The following KSR2 variants were observed in gnomAD, a reference collection of about 807,000 sequenced individuals.
The protein encoded by KSR2 is kinase suppressor of ras 2.
In KSR2, 25 loss-of-function variants were observed where a neutral mutation model predicts 107.8. That is an observed-to-expected ratio of 0.23 (90% confidence interval 0.17 to 0.32). The LOEUF is 0.32. Ranked by LOEUF, KSR2 falls within the 10% of genes least tolerant of loss-of-function variation. The pLI is 1.00. For missense variants in KSR2, 887 were observed against 1,268.9 expected (o/e 0.70, Z 4.57); for synonymous variants, 480 against 507.0 (o/e 0.95, Z 0.71).
intron 4 of KSR2, among the ~76,000 whole-genome samples, chr12:117,742,116 T>C (rs1381854611): frequency 6.6e-6 from 1 of 152,132 alleles, no homozygotes; most frequent in African/African-American, 2.4e-5. Context: ...CTGTATAACC[T>C]GAATCATCAT....
chr12:117,530,861 G>C (rs778265098), intron 12 of KSR2, 80 bp downstream of exon 12: 1 of 1,234,594 alleles, frequency 8.1e-7, no homozygotes, highest in Non-Finnish European at 1.2e-6. Context: ...GAGAAGGAAA[G>C]AAGATAGGGA....
At chr12:117,883,898 A>C (rs1212753535) in intron 1 of KSR2, among the ~76,000 whole-genome samples, 1 of 150,924 alleles carries the variant, frequency 6.6e-6, no homozygotes, top group Non-Finnish European at 1.5e-5. Flanking sequence ...AAAAAAAGGA[A>C]ATGAGGTCAA....
At chr12:117,676,837 G>C (rs367698297) in intron 4 of KSR2, among the ~76,000 whole-genome samples, 1 of 152,160 alleles carries the variant, frequency 6.6e-6, no homozygotes, top group African/African-American at 2.4e-5. Context: ...TGCAAAAAAA[G>C]ACCTTTGTAA....
At chr12:117,743,359 CT>C (rs1479072102) in intron 4 of KSR2, among the ~76,000 whole-genome samples, 1 of 152,220 alleles carries the variant, frequency 6.6e-6, no homozygotes, top group Non-Finnish European at 1.5e-5. Context: ...CCACTGCAGC[CT>C]TGCTTAATGT....
chr12:117,691,098 G>T (rs1489834366), intron 4 of KSR2, among the ~76,000 whole-genome samples: 1 of 152,184 alleles, frequency 6.6e-6, no homozygotes, highest in African/African-American at 2.4e-5. Flanking sequence ...TGACAATGTT[G>T]CAAAAGTGAC....
chr12:117,684,184 C>T (rs1202481518), intron 4 of KSR2, among the ~76,000 whole-genome samples: 1 of 152,158 alleles, frequency 6.6e-6, no homozygotes, highest in Non-Finnish European at 1.5e-5. Flanking sequence ...CATCCTGACC[C>T]ACCCCTCCTG....
intron 12 of KSR2, 139 bp from the exon 13 acceptor site, chr12:117,527,258 G>A (rs576015008): frequency 1.5e-6 from 1 of 658,154 alleles, no homozygotes; most frequent in South Asian, 1.7e-5. Context: ...CAACAGGTGT[G>A]TCTGAAATAA....
At chr12:117,650,457 C>G (rs917002276) in intron 5 of KSR2, among the ~76,000 whole-genome samples, 1 of 152,004 alleles carries the variant, frequency 6.6e-6, no homozygotes. Context: ...GATTTTGGTA[C>G]CAGGAGTGGT....
chr12:117,676,046 A>G (rs1885103613), intron 4 of KSR2, among the ~76,000 whole-genome samples: 1 of 152,216 alleles, frequency 6.6e-6, no homozygotes, highest in Admixed American at 6.5e-5. Flanking sequence ...TTCAGGAAAG[A>G]CTTTTCAAAA....
rs572771472 is a variant in KSR2 at position 117,923,215 on chromosome 12, C to CT, written c.180+44860_180+44861insA. ...AAATGTTAATGGATCAACTATCTAT[C>CT]ATCTATCTATCTATCTATCTATATC... is the stretch of plus-strand genomic sequence containing the variant. On this transcript the variant is annotated intron_variant, in intron 1 of 19. Transcript: ENST00000339824. Among the ~76,000 whole-genome samples the CT allele has an allele frequency of 8.9e-4, 135 of 152,218 alleles. 1 individual carries two copies. The East Asian group carries it at 0.021, about 23-fold the overall frequency.
intron 14 of KSR2, among the ~76,000 whole-genome samples, chr12:117,514,542 CTCTT>C (rs1035022569): frequency 2.1e-5 from 3 of 144,304 alleles, no homozygotes; most frequent in Admixed American, 6.9e-5. Flanking sequence ...CTCTCTCTCT[CTCTT>C]TTTTTTTTTT....
chr12:117,623,302 T>G (rs1223220529), intron 5 of KSR2, among the ~76,000 whole-genome samples: 1 of 152,222 alleles, frequency 6.6e-6, no homozygotes, highest in African/African-American at 2.4e-5. Flanking sequence ...TACATAGGTA[T>G]ACATGTGACT....
At chr12:117,710,196 C>A (rs528210933) in intron 4 of KSR2, among the ~76,000 whole-genome samples, 1 of 151,804 alleles carries the variant, frequency 6.6e-6, no homozygotes, top group Non-Finnish European at 1.5e-5. Flanking sequence ...CCTCTTGCTC[C>A]GAACCATCAA....
intron 4 of KSR2, among the ~76,000 whole-genome samples, chr12:117,723,419 G>A (rs532266310): frequency 3.9e-5 from 6 of 152,116 alleles, no homozygotes; most frequent in Admixed American, 1.3e-4. Flanking sequence ...CACAACAACC[G>A]TAAGAGGTAG....
rs983752353 is a variant in KSR2 at position 117,466,855 on chromosome 12, C to T, written c.*344G>A. ...CACACACATAGCCCCGTCTGTGAGCCCCCCCACGTGGGGTCTCCTGTCCTA... is the reference window on the plus strand; with the variant it reads ...CACACACATAGCCCCGTCTGTGAGCTCCCCCACGTGGGGTCTCCTGTCCTA... On this transcript the variant is annotated 3_prime_UTR_variant, in exon 20 of 20. Transcript: ENST00000339824. The T allele has an allele frequency of 1.4e-5, 4 of 294,172 alleles. No homozygotes were observed. Among genetic ancestry groups the T allele is most frequent in the Admixed American group, 5.2e-5 (1 of 19,318 alleles). 18.2% of individuals were successfully genotyped at this position (294,172 alleles called of 1,614,324 possible). A position where few individuals can be genotyped will look rare whatever the true frequency, so the allele number is the denominator to read the frequency against.
intron 1 of KSR2, among the ~76,000 whole-genome samples, chr12:117,896,336 G>T (rs1332415310): frequency 3.3e-5 from 5 of 152,154 alleles, no homozygotes; most frequent in Admixed American, 2.0e-4. Context: ...AATACATGGA[G>T]ACAAGAAGTA....
At chr12:117,609,777 G>T (rs1452664215) in intron 5 of KSR2, among the ~76,000 whole-genome samples, 4 of 152,176 alleles carry the variant, frequency 2.6e-5, no homozygotes, top group African/African-American at 9.7e-5. Context: ...GCTGGGCATT[G>T]TAAGATATTG....
At chr12:117,664,144 T>A (rs1593106781) in intron 5 of KSR2, among the ~76,000 whole-genome samples, 1 of 152,148 alleles carries the variant, frequency 6.6e-6, no homozygotes, top group East Asian at 1.9e-4. Flanking sequence ...GCCATTCCCC[T>A]CCCTCCCTTT....
intron 3 of KSR2, among the ~76,000 whole-genome samples, chr12:117,774,391 G>GC (rs1223980736): frequency 6.6e-6 from 1 of 152,106 alleles, no homozygotes; most frequent in African/African-American, 2.4e-5. Context: ...AATGAGCTTG[G>GC]CATTCAGCAG....
Sources: gnomAD v4.1 joint callset for allele counts (sites outside exome capture counted in the v4.1 genomes callset) on GRCh38, gnomAD v4.1.1 for gene constraint, MANE v1.5 for transcripts, NCBI Gene and HGNC (gene_info 2026-07-23, HGNC 2026-07-21) for gene names.